Variants in RIC1 observed in about 807,000 individuals in gnomAD.
RIC1 encodes RIC1 partner of RAB6A GEF complex.
A neutral mutation model predicts 169.0 loss-of-function variants in RIC1; 88 were observed. That is an observed-to-expected ratio of 0.52 (90% CI 0.44 to 0.62). The LOEUF (loss-of-function observed/expected upper bound fraction) is 0.62, where lower values mean the gene tolerates loss of function less well. RIC1 is among the 20% of genes least tolerant of loss of function. RIC1 has a pLI of 0.00. For missense variants in RIC1, 1,877 were observed against 1,725.5 expected (o/e 1.09, Z -1.56); for synonymous variants, 790 against 601.5 (o/e 1.31, Z -4.59).
At chr9:5,751,860 A>G (rs1271954406) in intron 12 of RIC1, among the ~76,000 whole-genome samples, 2 of 152,256 alleles carry the variant, frequency 1.3e-5, no homozygotes, top group African/African-American at 2.4e-5. Flanking sequence ...TCTTCACATT[A>G]CATACACAAT....
chr9:5,649,391 T>C (rs951169094), intron 1 of RIC1, among the ~76,000 whole-genome samples: 2 of 152,154 alleles, frequency 1.3e-5, no homozygotes, highest in African/African-American at 4.8e-5. Context: ...TTCATTCTTA[T>C]TTATTCTTGT....
chr9:5,695,404 C>T (rs911397169), intron 3 of RIC1, among the ~76,000 whole-genome samples: 11 of 151,964 alleles, frequency 7.2e-5, no homozygotes, highest in Non-Finnish European at 1.6e-4. Context: ...ATGGCACCAC[C>T]GTGTATTTGA....
intron 3 of RIC1, chr9:5,713,657 C>G (rs1823065679): frequency 3.4e-6 from 1 of 291,060 alleles, no homozygotes; most frequent in African/African-American, 2.2e-5. Context: ...TTCTCAGATT[C>G]TCTGCTCTTC....
chr9:5,629,539 G>T, intron 1 of RIC1, 86 bp downstream of exon 1: 2 of 1,403,430 alleles, frequency 1.4e-6, no homozygotes, highest in South Asian at 1.4e-5. Flanking sequence ...CAGAGCCTAG[G>T]ACTCCTGCCC....
chr9:5,667,296 T>C (rs1482585114), intron 2 of RIC1, among the ~76,000 whole-genome samples: 1 of 152,184 alleles, frequency 6.6e-6, no homozygotes, highest in Non-Finnish European at 1.5e-5. Context: ...CACTCCAGCC[T>C]GGGCAATAGA....
rs562426876 is a variant in RIC1, at chr9:5,679,630, G to C, written c.253-10329G>C. On this transcript the variant is annotated intron_variant, in intron 2 of 25. Transcript: ENST00000414202. ...GTGAATGGGAGTTCACTCATGATTT[G>C]GCTCTGTGTTTGTCTGTTATTGGTG... Among the ~76,000 whole-genome samples, 14 of 152,202 alleles carry C rather than the reference G, an allele frequency of 9.2e-5. No homozygotes were observed. The East Asian group carries it at 2.7e-3, about 29-fold the overall frequency.
chr9:5,736,355 A>G (rs924610762), intron 7 of RIC1, among the ~76,000 whole-genome samples: 1 of 152,262 alleles, frequency 6.6e-6, no homozygotes, highest in African/African-American at 2.4e-5. Flanking sequence ...GGACAAAAAT[A>G]TGAAAGAGCT....
At chr9:5,735,658 A>T (rs991623192) in intron 7 of RIC1, among the ~76,000 whole-genome samples, 3 of 152,214 alleles carry the variant, frequency 2.0e-5, no homozygotes, top group African/African-American at 7.2e-5. Flanking sequence ...ACTTATCAGG[A>T]CTAATTACCT....
At chr9:5,768,025 A>C (rs1826913452) in intron 21 of RIC1, among the ~76,000 whole-genome samples, 1 of 152,216 alleles carries the variant, frequency 6.6e-6, no homozygotes, top group African/African-American at 2.4e-5. Flanking sequence ...TAGGAAAATA[A>C]ACTTAGTTAT....
chr9:5,721,262 G>GT (rs1027711635), intron 6 of RIC1, among the ~76,000 whole-genome samples: 1 of 152,160 alleles, frequency 6.6e-6, no homozygotes, highest in African/African-American at 2.4e-5. Context: ...TGACGCAGAA[G>GT]TTTTTGCTCC....
At chr9:5,671,367 C>G (rs1820093126) in intron 2 of RIC1, among the ~76,000 whole-genome samples, 1 of 151,836 alleles carries the variant, frequency 6.6e-6, no homozygotes, top group African/African-American at 2.4e-5. Flanking sequence ...CTCCGCCTCC[C>G]AGGTTCAAGC....
chr9:5,643,137 T>TA (rs1563863596), intron 1 of RIC1, among the ~76,000 whole-genome samples: 1 of 151,938 alleles, frequency 6.6e-6, no homozygotes, highest in Non-Finnish European at 1.5e-5. Context: ...CCCATCTCTA[T>TA]AAAAAATAAA....
chr9:5,748,587 A>T (rs1825530409), intron 12 of RIC1: 1 of 152,620 alleles, frequency 6.6e-6, no homozygotes, highest in Admixed American at 6.5e-5. Context: ...TCCTATAGCC[A>T]TTTCTCTGCT....
intron 7 of RIC1, among the ~76,000 whole-genome samples, chr9:5,735,232 G>A (rs1824626972): frequency 2.0e-5 from 3 of 151,612 alleles, no homozygotes. Context: ...TTGTTTATCT[G>A]ACACCTGTCG....
chr9:5,769,337 T>C, intron 22 of RIC1, 81 bp downstream of exon 22: 3 of 1,613,568 alleles, frequency 1.9e-6, no homozygotes, highest in East Asian at 2.2e-5. Context: ...TTAGTTGATA[T>C]TCAAGGAATT....
At chr9:5,741,361 T>C (rs548306106) in intron 8 of RIC1, among the ~76,000 whole-genome samples, 6 of 152,356 alleles carry the variant, frequency 3.9e-5, no homozygotes, top group African/African-American at 1.4e-4. Context: ...GATGAAGATT[T>C]ACATCTTTGA....
At chr9:5,749,123 C>T (rs1435213244) in intron 12 of RIC1, among the ~76,000 whole-genome samples, 1 of 152,120 alleles carries the variant, frequency 6.6e-6, no homozygotes, top group Non-Finnish European at 1.5e-5. Context: ...TATGACTTGT[C>T]CAGTTCACCC....
chr9:5,729,849 C>CTT (rs71487828), intron 6 of RIC1, among the ~76,000 whole-genome samples: 1 of 149,928 alleles, frequency 6.7e-6, no homozygotes, highest in Non-Finnish European at 1.5e-5. Context: ...AGAAAAAACT[C>CTT]TTTTTTTTTT....
In RIC1 at chr9:5,745,980, C is replaced by G. The variant is rs758812263; in HGVS notation, c.1145C>G (p.Ser382Cys). The G allele has an allele frequency of 1.1e-5, 17 of 1,613,524 alleles. 1 individual carries two copies. Among genetic ancestry groups the G allele is most frequent in the South Asian group, 9.9e-5 (9 of 91,064 alleles). ...YHLWVISGFG[S>C]QNTEIESDLR... Reference sequence around the variant, plus strand: ...CTATGGGTAATCAGCGGATTTGGTTCTCAAAACACTGAAATTGAGTCTGAC... The same window carrying G: ...CTATGGGTAATCAGCGGATTTGGTTGTCAAAACACTGAAATTGAGTCTGAC... Residue 382 changes from serine (S) to cysteine (C), a missense_variant, in exon 11 of 26, where the codon TCT (serine) becomes TGT (cysteine). Coordinates refer to ENST00000414202, the MANE Select transcript of RIC1 (RefSeq NM_020829.4).
Sources: gnomAD v4.1 joint callset for allele counts (sites outside exome capture counted in the v4.1 genomes callset) on GRCh38, gnomAD v4.1.1 for gene constraint, MANE v1.5 for transcripts, NCBI Gene and HGNC (gene_info 2026-07-23, HGNC 2026-07-21) for gene names.